Variants in CSMD3 observed in about 807,000 individuals in gnomAD.
The protein encoded by CSMD3 is CUB and Sushi multiple domains 3, also known as CUB and sushi domain-containing protein 3.
Under a neutral mutation model 435.2 loss-of-function variants are expected in CSMD3, and 177 were observed. The observed-to-expected ratio is 0.41, with a 90% CI of 0.36 to 0.46. The LOEUF (loss-of-function observed/expected upper bound fraction) is 0.46. CSMD3 is among the 20% of genes least tolerant of loss of function. The probability of loss-of-function intolerance (pLI) is 0.34; values close to 1 mark genes in which losing one functional copy is unlikely to be tolerated. For synonymous variants in CSMD3, 1,656 were observed against 1,520.5 expected, an observed-to-expected ratio of 1.09 and a Z score of -2.07; for missense variants, 4,265 against 4,504.6, an observed-to-expected ratio of 0.95 and a Z score of 1.52.
intron 1 of CSMD3, among the ~76,000 whole-genome samples, chr8:113,338,182 A>T (rs1043422576): frequency 1.3e-5 from 2 of 152,012 alleles, no homozygotes; most frequent in African/African-American, 4.8e-5. Context: ...AAAGATGCTT[A>T]AAAATAACTC....
At chr8:113,279,420 T>G (rs1275097678) in intron 2 of CSMD3, among the ~76,000 whole-genome samples, 1 of 151,600 alleles carries the variant, frequency 6.6e-6, no homozygotes, top group East Asian at 1.9e-4. Flanking sequence ...TACATTAACA[T>G]CCAAATCATT....
intron 70 of CSMD3, among the ~76,000 whole-genome samples, chr8:112,228,172 C>A (rs1391439711): frequency 6.6e-6 from 1 of 152,022 alleles, no homozygotes; most frequent in Non-Finnish European, 1.5e-5. Context: ...AAGCACTCAC[C>A]AGGATTTGTA....
chr8:113,421,000 A>G (rs1031443882), intron 1 of CSMD3, among the ~76,000 whole-genome samples: 24 of 152,178 alleles, frequency 1.6e-4, no homozygotes, highest in African/African-American at 5.5e-4. Flanking sequence ...AAATCATTCA[A>G]AGAAATACTA....
At position 112,249,493 on chromosome 8, in the gene CSMD3, C is replaced by T. The variant is rs139742740; in HGVS notation, c.10111-2362G>A. ...TAGGCGCTACACTTTGAGAACTACACAATAGACAATTATAATAATCTTCTA... is the reference window on the plus strand; with the variant it reads ...TAGGCGCTACACTTTGAGAACTACATAATAGACAATTATAATAATCTTCTA... On this transcript the variant is annotated intron_variant, in intron 63 of 70. Transcript: ENST00000297405. Among the ~76,000 whole-genome samples, 5 of 152,200 alleles carry T rather than the reference C, an allele frequency of 3.3e-5. No homozygotes were observed. The South Asian group carries it at 6.2e-4, about 19-fold the overall frequency.
intron 12 of CSMD3, among the ~76,000 whole-genome samples, chr8:112,821,912 T>C (rs2079541546): frequency 6.6e-6 from 1 of 152,220 alleles, no homozygotes; most frequent in Non-Finnish European, 1.5e-5. Flanking sequence ...AAGAAACCCT[T>C]TCTCCATTGC....
intron 1 of CSMD3, among the ~76,000 whole-genome samples, chr8:113,336,156 T>C (rs1044327999): frequency 1.6e-4 from 24 of 152,142 alleles, no homozygotes; most frequent in African/African-American, 5.5e-4. Flanking sequence ...ATTTTCTGTC[T>C]TCAGTTCTTA....
intron 4 of CSMD3, among the ~76,000 whole-genome samples, chr8:113,112,450 T>G (rs1564328969): frequency 5.1e-5 from 1 of 19,662 alleles, no homozygotes; most frequent in Non-Finnish European, 8.6e-5. Flanking sequence ...TATATATATG[T>G]ATATACACAC....
intron 2 of CSMD3, among the ~76,000 whole-genome samples, chr8:113,299,485 T>C (rs2093747431): frequency 6.6e-6 from 1 of 152,164 alleles, no homozygotes; most frequent in Non-Finnish European, 1.5e-5. Flanking sequence ...ATTTTTTGTT[T>C]GCAATAACTT....
At chr8:113,319,935 A>T (rs1299973568) in intron 1 of CSMD3, among the ~76,000 whole-genome samples, 1 of 151,970 alleles carries the variant, frequency 6.6e-6, no homozygotes, top group Non-Finnish European at 1.5e-5. Flanking sequence ...TCCTCTGATG[A>T]TTGTTTTCCT....
intron 35 of CSMD3, among the ~76,000 whole-genome samples, chr8:112,405,312 CTCAAG>C (rs1387161359): frequency 1.5e-5 from 2 of 134,598 alleles, no homozygotes; most frequent in Non-Finnish European, 3.1e-5. Context: ...TGAGAAACAA[CTCAAG>C]TCATTAGAAT....
chr8:112,615,196 C>T (rs1261583769), intron 22 of CSMD3, among the ~76,000 whole-genome samples: 5 of 152,200 alleles, frequency 3.3e-5, no homozygotes, highest in Non-Finnish European at 5.9e-5. Flanking sequence ...CCACTTAGAT[C>T]ATGCAAAATG....
At chr8:112,553,788 A>G (rs973995225) in intron 25 of CSMD3, among the ~76,000 whole-genome samples, 1 of 152,056 alleles carries the variant, frequency 6.6e-6, no homozygotes, top group African/African-American at 2.4e-5. Context: ...ACCTGATAAC[A>G]CTAGAATCTA....
chr8:112,993,448 T>C (rs559259493), intron 6 of CSMD3, among the ~76,000 whole-genome samples: 1 of 151,966 alleles, frequency 6.6e-6, no homozygotes, highest in Non-Finnish European at 1.5e-5. Flanking sequence ...ATGCGTTGGA[T>C]TCTTTATTGA....
chr8:113,173,792 G>C lies in CSMD3; in HGVS notation c.639C>G (p.His213Gln), dbSNP rs758064121. The C allele has an allele frequency of 6.2e-7, 1 of 1,613,756 alleles. No homozygotes were observed. Among genetic ancestry groups the C allele is most frequent in the Admixed American group, 1.7e-5 (1 of 60,002 alleles). The part of the protein sequence containing the change: ...SCVTGYILDG[H>Q]PQLTCIANSV... ...AATTGGCTATGCAGGTGAGCTGAGG[G>C]TGGCCATCAAGGATGTATCCAGTTA... Residue 213 changes from histidine to glutamine, a missense_variant, in exon 4 of 71, where the codon CAC becomes CAG. His to Gln is a conservative substitution (Grantham distance 24). Around this residue, in one of 3 missense-constraint regions of CSMD3, gnomAD observed 731 missense variants for 755.4 expected, o/e 0.97. Transcript: ENST00000297405.
At chr8:113,079,679 G>A (rs947789553) in intron 5 of CSMD3, among the ~76,000 whole-genome samples, 2 of 152,128 alleles carry the variant, frequency 1.3e-5, no homozygotes, top group African/African-American at 4.8e-5. Context: ...CACACTAGAA[G>A]AACAAAACCT....
chr8:113,215,789 C>T (rs538707245), intron 3 of CSMD3, among the ~76,000 whole-genome samples: 1 of 151,778 alleles, frequency 6.6e-6, no homozygotes, highest in African/African-American at 2.4e-5. Context: ...TCTATGTAAC[C>T]TTTCAAATGT....
At chr8:112,804,823 C>T (rs1587347823) in intron 12 of CSMD3, among the ~76,000 whole-genome samples, 1 of 151,922 alleles carries the variant, frequency 6.6e-6, no homozygotes, top group African/African-American at 2.4e-5. Flanking sequence ...CACCACCACA[C>T]CCAGCTAATT....
intron 5 of CSMD3, among the ~76,000 whole-genome samples, chr8:113,088,627 G>A (rs1014335333): frequency 2.7e-5 from 4 of 147,940 alleles, no homozygotes; most frequent in Non-Finnish European, 3.0e-5. Context: ...ACGAAACACC[G>A]CATGTTCTCA....
chr8:112,947,280 A>G (rs1401260095), intron 9 of CSMD3, among the ~76,000 whole-genome samples: 1 of 151,814 alleles, frequency 6.6e-6, no homozygotes, highest in Non-Finnish European at 1.5e-5. Context: ...TAAATTGATA[A>G]AATTAATACT....
Sources: gnomAD v4.1 joint callset for allele counts (sites outside exome capture counted in the v4.1 genomes callset) on GRCh38, gnomAD v4.1.1 for gene constraint, gnomAD v4.1.1 regional missense constraint, MANE v1.5 for transcripts, NCBI Gene and HGNC (gene_info 2026-07-23, HGNC 2026-07-21) for gene names.